The following XKRX variants were observed in gnomAD, a reference collection of about 807,000 sequenced individuals.
The protein encoded by XKRX is XK-related protein 2.
A neutral mutation model predicts 22.4 loss-of-function variants in XKRX; 11 were observed. That is an observed-to-expected ratio of 0.49 (90% CI 0.31 to 0.81). The LOEUF (loss-of-function observed/expected upper bound fraction) is 0.81, where lower values mean the gene tolerates loss of function less well. Ranked by LOEUF, XKRX falls within the 40% of genes least tolerant of loss-of-function variation. The pLI is 0.05. For missense variants in XKRX, 320 were observed against 336.5 expected, an observed-to-expected ratio of 0.95 and a Z score of 0.38; for synonymous variants, 114 against 132.2, an observed-to-expected ratio of 0.86 and a Z score of 0.94.
chrX:100,900,294 C>T, the XKRX span, among the ~76,000 whole-genome samples: 1 of 110,605 alleles, frequency 9.0e-6, no homozygotes, highest in East Asian at 2.9e-4. Context: ...CTCCTAGGCT[C>T]AAGTGATCCT....
intron 1 of XKRX, 126 bp downstream of exon 1, chrX:100,927,829 GGTAGACAGGGAAGCC>G: frequency 1.3e-6 from 1 of 766,924 alleles, no homozygotes; most frequent in Non-Finnish European, 1.8e-6. Flanking sequence ...TTTTCTGAAT[GGTAGACAGGGAAGCC>G]GAGAGTGGGA....
chrX:100,890,604 C>T, the XKRX span, among the ~76,000 whole-genome samples: 2 of 110,173 alleles, frequency 1.8e-5, no homozygotes, highest in Non-Finnish European at 3.8e-5. Context: ...GGAAAATCTT[C>T]TATTACGTGA....
chrX:100,941,047 C>A, the XKRX span, among the ~76,000 whole-genome samples: 3 of 111,451 alleles, frequency 2.7e-5, no homozygotes, highest in Admixed American at 9.6e-5. Context: ...TCTTTAAATT[C>A]TCCGGCCCAG....
At chrX:100,950,539 A>G in the XKRX span, among the ~76,000 whole-genome samples, 1 of 112,297 alleles carries the variant, frequency 8.9e-6, no homozygotes, top group Non-Finnish European at 1.9e-5. Context: ...ATCAAGGTCT[A>G]ATTGACATTT....
At chrX:100,935,591 T>C in the XKRX span, among the ~76,000 whole-genome samples, 1 of 111,781 alleles carries the variant, frequency 8.9e-6, no homozygotes, top group African/African-American at 3.2e-5. Context: ...ACTATTCCAA[T>C]AGGCAGCTTT....
chrX:100,910,798 C>G (rs183278781), downstream of XKRX: 1 of 770,445 alleles, frequency 1.3e-6, no homozygotes, highest in Non-Finnish European at 2.0e-6. Flanking sequence ...GAAGGAAAGT[C>G]GAGAGGCTAC....
chrX:100,917,674 A>AAAGAAAGAAAGAAAGAAAGAAAAGAAAG (rs34196882), intron 2 of XKRX, among the ~76,000 whole-genome samples: 2 of 25,411 alleles, frequency 7.9e-5, no homozygotes, highest in African/African-American at 3.5e-4. Flanking sequence ...AGAAAGAAAG[A>AAAGAAAGAAAGAAAGAAAGAAAAGAAAG]AAAGAAAGAA....
the XKRX span, among the ~76,000 whole-genome samples, chrX:100,940,699 T>C: frequency 1.8e-5 from 2 of 111,419 alleles, no homozygotes; most frequent in Non-Finnish European, 3.8e-5. Flanking sequence ...TTTCTTAGGC[T>C]CCAACCCAGA....
At position 100,919,146 on chromosome X, in the gene XKRX, T is replaced by C. The variant is rs933725578; in HGVS notation, c.604+3647A>G. ...ATTCTCCCAAAATAACCTAAGTAATTTGATGCAAATCTCAATCGGAATCTC... is the reference window on the plus strand; with the variant it reads ...ATTCTCCCAAAATAACCTAAGTAATCTGATGCAAATCTCAATCGGAATCTC... On this transcript the variant is annotated intron_variant, in intron 2 of 2. Coordinates refer to ENST00000372956, the MANE Select transcript of XKRX (RefSeq NM_212559.3). Among the ~76,000 whole-genome samples the C allele has an allele frequency of 4.5e-5, 5 of 112,097 alleles. No homozygotes were observed. The Admixed American group carries it at 4.8e-4, about 11-fold the overall frequency.
At chrX:100,954,507 A>G in the XKRX span, among the ~76,000 whole-genome samples, 1 of 111,753 alleles carries the variant, frequency 8.9e-6, no homozygotes, top group African/African-American at 3.3e-5. Context: ...CTGATCTGGC[A>G]GTTCCTCAAA....
At position 100,928,837 on chromosome X, in the gene XKRX, GTT is replaced by G. The variant is rs764812868; in HGVS notation, c.-535_-534del. 39 of 754,102 alleles carry G rather than the reference GTT, an allele frequency of 5.2e-5. No homozygotes were observed. The highest frequency in any genetic ancestry group is 6.1e-5 in the Non-Finnish European group (39 of 640,323). 62.1% of individuals were successfully genotyped at this position (754,102 alleles called of 1,213,427 possible). ...GAAGGAGGGCAGAAGAGGGGATTCAGTTCAGTGCCTAGGTATCCTAGCTATTG... is the reference window on the plus strand; with the variant it reads ...GAAGGAGGGCAGAAGAGGGGATTCAGCAGTGCCTAGGTATCCTAGCTATTG... On this transcript the variant is annotated 5_prime_UTR_variant, in exon 1 of 3. Transcript: ENST00000372956.
chrX:100,893,174 G>A, the XKRX span, among the ~76,000 whole-genome samples: 1 of 111,727 alleles, frequency 9.0e-6, no homozygotes, highest in Non-Finnish European at 1.9e-5. Context: ...TAGGGACTGG[G>A]GTGGGAGAAA....
At chrX:100,922,709 T>C in intron 2 of XKRX, 84 bp downstream of exon 2, 1 of 972,547 alleles carries the variant, frequency 1.0e-6, no homozygotes, top group Non-Finnish European at 1.4e-6. Context: ...ATGAAGCTAG[T>C]GGCCAGTTTA....
chrX:100,921,621 G>A (rs776780144), intron 2 of XKRX, among the ~76,000 whole-genome samples: 1 of 110,992 alleles, frequency 9.0e-6, no homozygotes, highest in East Asian at 2.8e-4. Context: ...ATCTCAGGCT[G>A]TTAAAATTCA....
At chrX:100,909,602 C>A (rs1158104216), downstream of XKRX, among the ~76,000 whole-genome samples, 1 of 111,535 alleles carries the variant, frequency 9.0e-6, no homozygotes, top group African/African-American at 3.3e-5. Context: ...TTGTGAGGAT[C>A]GAATGAAATA....
intron 2 of XKRX, 151 bp downstream of exon 2, chrX:100,922,642 T>C (rs1019059636): frequency 1.9e-5 from 10 of 537,753 alleles, no homozygotes; most frequent in Non-Finnish European, 2.6e-5. Context: ...ACTTGAAATG[T>C]AGCTAGTATT....
the XKRX span, among the ~76,000 whole-genome samples, chrX:100,946,914 G>A: frequency 8.9e-6 from 1 of 111,989 alleles, no homozygotes; most frequent in Non-Finnish European, 1.9e-5. Flanking sequence ...GGGTTAAGTA[G>A]AAGATACCTG....
the XKRX span, among the ~76,000 whole-genome samples, chrX:100,890,401 G>C: frequency 1.7e-4 from 19 of 109,509 alleles, no homozygotes; most frequent in Non-Finnish European, 5.7e-5. Context: ...AGTGGGTCAA[G>C]TATAGGTTGG....
the XKRX span, among the ~76,000 whole-genome samples, chrX:100,934,968 TG>T: frequency 9.2e-6 from 1 of 109,011 alleles, no homozygotes; most frequent in Non-Finnish European, 1.9e-5. Flanking sequence ...AGAGTGTGTG[TG>T]AGAGAGACAG....
Sources: allele counts gnomAD v4.1 joint callset (sites outside exome capture counted in the v4.1 genomes callset), GRCh38; gene constraint gnomAD v4.1.1; transcripts MANE v1.5; gene names NCBI Gene and HGNC (gene_info 2026-07-23, HGNC 2026-07-21).